Variants in CACNA2D3 observed in about 807,000 individuals in gnomAD.
The protein encoded by CACNA2D3 is calcium voltage-gated channel auxiliary subunit alpha2delta 3.
A neutral mutation model predicts 160.6 loss-of-function variants in CACNA2D3; 60 were observed. That is an observed-to-expected ratio of 0.37 (90% CI 0.30 to 0.46). The LOEUF (loss-of-function observed/expected upper bound fraction) is 0.46. Among genes scored for constraint, CACNA2D3 ranks in the 20% least tolerant of loss-of-function variants. CACNA2D3 has a pLI of 1.00. For synonymous variants in CACNA2D3, 558 were observed against 492.9 expected, an observed-to-expected ratio of 1.13 and a Z score of -1.75; for missense variants, 1,205 against 1,365.0, an observed-to-expected ratio of 0.88 and a Z score of 1.85.
At chr3:54,457,189 C>A (rs751481756) in intron 4 of CACNA2D3, among the ~76,000 whole-genome samples, 3 of 151,752 alleles carry the variant, frequency 2.0e-5, no homozygotes, top group African/African-American at 7.2e-5. Context: ...TTGATGTATG[C>A]ATTTATTGTT....
chr3:54,165,416 G>C (rs1200233728), intron 2 of CACNA2D3, among the ~76,000 whole-genome samples: 18 of 151,996 alleles, frequency 1.2e-4, no homozygotes, highest in Non-Finnish European at 2.4e-4. Context: ...GGAGCAGGTA[G>C]ACAAAGATCA....
intron 4 of CACNA2D3, among the ~76,000 whole-genome samples, chr3:54,478,294 A>G (rs1479571388): frequency 2.6e-5 from 4 of 152,108 alleles, no homozygotes; most frequent in Admixed American, 2.0e-4. Flanking sequence ...GAGGTGAACC[A>G]TGGTCTGAAA....
intron 2 of CACNA2D3, among the ~76,000 whole-genome samples, chr3:54,145,511 TAAGA>T (rs1233551101): frequency 1.3e-5 from 2 of 152,236 alleles, no homozygotes; most frequent in Non-Finnish European, 2.9e-5. Flanking sequence ...CTAAGATGTC[TAAGA>T]AAGAAGAAGG....
At chr3:54,559,710 A>G (rs1456236675) in intron 5 of CACNA2D3, among the ~76,000 whole-genome samples, 1 of 152,168 alleles carries the variant, frequency 6.6e-6, no homozygotes, top group Non-Finnish European at 1.5e-5. Flanking sequence ...CCTAGTACAT[A>G]TTAGTTATTT....
At chr3:54,259,888 T>C (rs961320710) in intron 2 of CACNA2D3, among the ~76,000 whole-genome samples, 3 of 152,344 alleles carry the variant, frequency 2.0e-5, no homozygotes, top group Middle Eastern at 3.4e-3. Flanking sequence ...TTTGCAATGC[T>C]CAGGAATTTT....
At chr3:54,436,041 T>C (rs1019149457) in intron 4 of CACNA2D3, among the ~76,000 whole-genome samples, 3 of 152,226 alleles carry the variant, frequency 2.0e-5, no homozygotes, top group Non-Finnish European at 4.4e-5. Context: ...TCCTAGAATT[T>C]ACTTAGTTTG....
intron 5 of CACNA2D3, among the ~76,000 whole-genome samples, chr3:54,537,825 G>A (rs1701912898): frequency 6.6e-6 from 1 of 151,980 alleles, no homozygotes; most frequent in Non-Finnish European, 1.5e-5. Context: ...CTCCGGACCT[G>A]AGCTGGGCAC....
chr3:54,504,083 T>G (rs1387575478), intron 5 of CACNA2D3, among the ~76,000 whole-genome samples: 1 of 152,194 alleles, frequency 6.6e-6, no homozygotes, highest in Non-Finnish European at 1.5e-5. Flanking sequence ...TTCTGACCCC[T>G]GATGTGGTAC....
intron 31 of CACNA2D3, among the ~76,000 whole-genome samples, chr3:54,991,235 T>C (rs911983955): frequency 4.0e-5 from 6 of 151,854 alleles, no homozygotes; most frequent in Non-Finnish European, 8.8e-5. Flanking sequence ...TTTTTTTTTT[T>C]TTTTTTGAGA....
At chr3:54,714,729 C>CT (rs1575436783) in intron 11 of CACNA2D3, among the ~76,000 whole-genome samples, 1 of 152,206 alleles carries the variant, frequency 6.6e-6, no homozygotes, top group Admixed American at 6.5e-5. Context: ...GATGGTAGCA[C>CT]TGTGTTGAAG....
chr3:54,350,717 G>T (rs182928424), intron 3 of CACNA2D3, among the ~76,000 whole-genome samples: 1 of 152,174 alleles, frequency 6.6e-6, no homozygotes, highest in Non-Finnish European at 1.5e-5. Flanking sequence ...CCACAAGAGT[G>T]AGCTTTCGAG....
chr3:54,606,265 T>C (rs571207305), intron 9 of CACNA2D3, among the ~76,000 whole-genome samples: 138 of 151,982 alleles, frequency 9.1e-4, no homozygotes, highest in African/African-American at 3.2e-3. Flanking sequence ...GTTGAAGGAG[T>C]TATTTTCAGT....
intron 16 of CACNA2D3, among the ~76,000 whole-genome samples, chr3:54,840,125 C>T (rs1698787152): frequency 6.6e-6 from 1 of 152,078 alleles, no homozygotes; most frequent in Non-Finnish European, 1.5e-5. Context: ...CCTCTTATTT[C>T]ACATGAGGAG....
At position 54,836,101 on chromosome 3, in the gene CACNA2D3, G is replaced by A. The variant is rs1307805512; in HGVS notation, c.1399-1058G>A. ...TGTTTGGGACAGAGTAGGGGTTCCT[G>A]CCTGTCTCCCAACACTGTGTAAAAA... On this transcript the variant is annotated intron_variant, in intron 14 of 37. Transcript: ENST00000474759. Among the ~76,000 whole-genome samples, 4 of 152,156 alleles carry A rather than the reference G, an allele frequency of 2.6e-5. No homozygotes were observed. The South Asian group carries it at 8.3e-4, about 32-fold the overall frequency.
At chr3:54,318,512 T>A (rs1242647733) in intron 2 of CACNA2D3, among the ~76,000 whole-genome samples, 2 of 152,036 alleles carry the variant, frequency 1.3e-5, no homozygotes, top group Non-Finnish European at 2.9e-5. Flanking sequence ...AAATACCACT[T>A]CTTAATTTTT....
At chr3:55,033,254 C>T (rs1453325760) in intron 35 of CACNA2D3, among the ~76,000 whole-genome samples, 1 of 152,078 alleles carries the variant, frequency 6.6e-6, no homozygotes, top group East Asian at 1.9e-4. Flanking sequence ...TTAAAAACAA[C>T]TATTAACTAA....
At position 54,327,264 on chromosome 3, in the gene CACNA2D3, G is replaced by A. The variant is rs562109981; in HGVS notation, c.321+6706G>A. Among the ~76,000 whole-genome samples, 12 of 152,316 alleles carry A rather than the reference G, an allele frequency of 7.9e-5. No individual in the cohort carries two copies. The East Asian group carries it at 2.1e-3, about 27-fold the overall frequency. On this transcript the variant is annotated intron_variant, in intron 3 of 37. Transcript: ENST00000474759. ...GAGGGAACAACTTGTCCACCCCCTT[G>A]GGGGTACATGCTTACCACTAAAGGG...
chr3:54,785,392 C>T (rs1430074279), intron 13 of CACNA2D3, among the ~76,000 whole-genome samples: 1 of 152,166 alleles, frequency 6.6e-6, no homozygotes, highest in African/African-American at 2.4e-5. Flanking sequence ...GAATTTCAAG[C>T]AGTCTGTGAT....
intron 27 of CACNA2D3, among the ~76,000 whole-genome samples, chr3:54,956,872 C>G (rs931620488): frequency 2.6e-5 from 4 of 152,130 alleles, no homozygotes; most frequent in Non-Finnish European, 4.4e-5. Flanking sequence ...CGAGAGCACA[C>G]TACATCTTAC....
Sources: gnomAD v4.1 joint callset for allele counts (sites outside exome capture counted in the v4.1 genomes callset) on GRCh38, gnomAD v4.1.1 for gene constraint, MANE v1.5 for transcripts, NCBI Gene and HGNC (gene_info 2026-07-23, HGNC 2026-07-21) for gene names.